Variants in SHISA9 observed in about 807,000 individuals in gnomAD.
The protein encoded by SHISA9 is shisa family member 9.
Under a neutral mutation model 38.0 loss-of-function variants are expected in SHISA9, and 13 were observed. That is an observed-to-expected ratio of 0.34 (90% CI 0.22 to 0.54). SHISA9 has a LOEUF of 0.54. Ranked by LOEUF, SHISA9 falls within the 20% of genes least tolerant of loss-of-function variation. The pLI is 0.91. For synonymous variants in SHISA9, 275 were observed against 242.0 expected (o/e 1.14, Z -1.27); for missense variants, 538 against 575.8 (o/e 0.93, Z 0.67).
At chr16:13,394,259 G>T in the SHISA9 span, among the ~76,000 whole-genome samples, 1,370 of 152,320 alleles carry the variant, frequency 9.0e-3, 19 homozygotes, top group African/African-American at 0.032. Flanking sequence ...AAACCCAGAA[G>T]AGATACAGCC....
rs140241070 is a variant in SHISA9 at position 13,089,042 on chromosome 16, C to A, written c.692-114352C>A. Among the ~76,000 whole-genome samples the A allele has an allele frequency of 3.8e-3, 578 of 152,206 alleles. 6 individuals carry two copies. Among genetic ancestry groups the A allele is most frequent in the Non-Finnish European group, 6.5e-3 (440 of 68,020 alleles). On this transcript the variant is annotated intron_variant, in intron 2 of 4. Transcript: ENST00000558583. The stretch of plus-strand genomic sequence containing the variant: ...TGAAGGACTTGAATTTTGTTGAAGG[C>A]CTTTTCTGCATTTGTTAAGATAATC...
At chr16:13,024,059 C>T (rs2072890907) in intron 2 of SHISA9, among the ~76,000 whole-genome samples, 1 of 152,206 alleles carries the variant, frequency 6.6e-6, no homozygotes, top group South Asian at 2.1e-4. Flanking sequence ...TGGGTTAAAG[C>T]TCTTCATTTC....
chr16:13,554,285 G>A, the SHISA9 span, among the ~76,000 whole-genome samples: 1 of 137,098 alleles, frequency 7.3e-6, no homozygotes, highest in Non-Finnish European at 1.5e-5. Flanking sequence ...AGGAGATCTA[G>A]TTGCTAGAGA....
chr16:13,520,177 C>T, the SHISA9 span, among the ~76,000 whole-genome samples: 1 of 152,150 alleles, frequency 6.6e-6, no homozygotes, highest in East Asian at 1.9e-4. Flanking sequence ...TATGAGGCAA[C>T]CCACATCAAG....
the SHISA9 span, among the ~76,000 whole-genome samples, chr16:13,317,231 C>T: frequency 2.0e-5 from 3 of 152,236 alleles, no homozygotes; most frequent in Non-Finnish European, 2.9e-5. Flanking sequence ...CGCCAGGAGT[C>T]TGGATGCCAA....
the SHISA9 span, among the ~76,000 whole-genome samples, chr16:13,354,572 A>G: frequency 6.7e-6 from 1 of 150,066 alleles, no homozygotes. Context: ...AGATTTTGGA[A>G]GTTATGAGAA....
the SHISA9 span, among the ~76,000 whole-genome samples, chr16:13,414,771 A>G: frequency 6.6e-6 from 1 of 150,680 alleles, no homozygotes; most frequent in Non-Finnish European, 1.5e-5. Context: ...AGCTGGGATT[A>G]CAGGTTTGCG....
chr16:13,472,688 G>A, the SHISA9 span, among the ~76,000 whole-genome samples: 114 of 152,002 alleles, frequency 7.5e-4, no homozygotes, highest in Non-Finnish European at 1.4e-3. Context: ...CACAATGCCC[G>A]GCCTCTGCTA....
chr16:13,342,083 T>A, the SHISA9 span, among the ~76,000 whole-genome samples: 2 of 152,318 alleles, frequency 1.3e-5, no homozygotes, highest in African/African-American at 4.8e-5. Flanking sequence ...CAACCCTAGT[T>A]AAGCTGCCAT....
intron 2 of SHISA9, among the ~76,000 whole-genome samples, chr16:13,195,758 C>G (rs1373845526): frequency 6.6e-6 from 1 of 152,080 alleles, no homozygotes; most frequent in Admixed American, 6.5e-5. Context: ...ACTCCCAAAC[C>G]CATAACCCCA....
chr16:13,108,303 G>GT (rs200197426), intron 2 of SHISA9, among the ~76,000 whole-genome samples: 3,004 of 152,096 alleles, frequency 0.02, 48 homozygotes, highest in Admixed American at 0.047. Context: ...TAATTGTTTT[G>GT]TTTTTTTGTA....
the SHISA9 span, among the ~76,000 whole-genome samples, chr16:13,416,749 AGGAAGGAAGGAAGGAAGGAAGGAAG>A: frequency 1.9e-4 from 15 of 77,954 alleles, no homozygotes; most frequent in African/African-American, 8.4e-4. Flanking sequence ...AAAGAAAGGA[AGGAAGGAAGGAAGGAAGGAAGGAAG>A]GGAAGGAAGG....
At chr16:13,408,506 A>AT in the SHISA9 span, among the ~76,000 whole-genome samples, 3 of 152,140 alleles carry the variant, frequency 2.0e-5, no homozygotes, top group African/African-American at 7.2e-5. Context: ...ATAAAAAATA[A>AT]TTTTTTCTAG....
intron 3 of SHISA9, among the ~76,000 whole-genome samples, chr16:13,206,647 C>T (rs557983002): frequency 6.6e-6 from 1 of 152,312 alleles, no homozygotes; most frequent in Admixed American, 6.5e-5. Flanking sequence ...AGTGACTGAG[C>T]CAAATTTATA....
chr16:13,407,439 A>T, the SHISA9 span, among the ~76,000 whole-genome samples: 2 of 152,088 alleles, frequency 1.3e-5, no homozygotes, highest in East Asian at 3.9e-4. Flanking sequence ...TATTCTCATG[A>T]CCTAATAACC....
chr16:13,162,028 T>G (rs1393343459), intron 2 of SHISA9, among the ~76,000 whole-genome samples: 1 of 152,212 alleles, frequency 6.6e-6, no homozygotes, highest in Non-Finnish European at 1.5e-5. Context: ...TAAACCAACC[T>G]TGGATTAATT....
At chr16:13,408,480 TATTTC>T in the SHISA9 span, among the ~76,000 whole-genome samples, 2 of 152,180 alleles carry the variant, frequency 1.3e-5, no homozygotes, top group East Asian at 1.9e-4. Context: ...TTTGTAGTAT[TATTTC>T]TATAGAGAGA....
chr16:13,335,758 G>A, the SHISA9 span, among the ~76,000 whole-genome samples: 1 of 137,108 alleles, frequency 7.3e-6, no homozygotes, highest in South Asian at 2.2e-4. Flanking sequence ...AGACCATTTT[G>A]GGGGGGATCG....
At chr16:13,170,089 G>A (rs758225000) in intron 2 of SHISA9, among the ~76,000 whole-genome samples, 1 of 151,442 alleles carries the variant, frequency 6.6e-6, no homozygotes, top group Non-Finnish European at 1.5e-5. Context: ...TGTAATCCCA[G>A]CTATTCAAGA....
Sources: allele counts gnomAD v4.1 joint callset (sites outside exome capture counted in the v4.1 genomes callset), GRCh38; gene constraint gnomAD v4.1.1; transcripts MANE v1.5; gene names NCBI Gene and HGNC (gene_info 2026-07-23, HGNC 2026-07-21).